Variants in ANO3 observed in about 807,000 individuals in gnomAD.
The protein encoded by ANO3 is anoctamin-3.
A neutral mutation model predicts 144.8 loss-of-function variants in ANO3; 99 were observed. The observed-to-expected ratio is 0.68, with a 90% CI of 0.58 to 0.81. The LOEUF (loss-of-function observed/expected upper bound fraction) is 0.81, where lower values mean the gene tolerates loss of function less well. Ranked by LOEUF, ANO3 falls within the 30% of genes least tolerant of loss-of-function variation. ANO3 has a pLI of 0.00. For missense variants in ANO3, 905 were observed against 1,202.2 expected (o/e 0.75, Z 3.66); for synonymous variants, 414 against 392.6 (o/e 1.05, Z -0.64).
At chr11:26,292,021 T>C (rs1853970274) in intron 1 of ANO3, among the ~76,000 whole-genome samples, 1 of 152,230 alleles carries the variant, frequency 6.6e-6, no homozygotes. Context: ...CTTGGTTCCA[T>C]TCTTCCTGTC....
At chr11:26,240,350 T>C (rs1160775373) in intron 1 of ANO3, among the ~76,000 whole-genome samples, 2 of 152,318 alleles carry the variant, frequency 1.3e-5, no homozygotes, top group Non-Finnish European at 2.9e-5. Context: ...ACTAATTGCA[T>C]CTTTAATTAT....
intron 26 of ANO3, among the ~76,000 whole-genome samples, chr11:26,659,851 G>T (rs1853823422): frequency 6.6e-6 from 1 of 152,042 alleles, no homozygotes; most frequent in African/African-American, 2.4e-5. Flanking sequence ...AGCATAACAG[G>T]CAGACTGCAT....
chr11:26,323,209 T>C (rs1393065964), intron 1 of ANO3, among the ~76,000 whole-genome samples: 1 of 152,130 alleles, frequency 6.6e-6, no homozygotes, highest in Non-Finnish European at 1.5e-5. Flanking sequence ...CAAAGAACCC[T>C]GGGTCCTTTT....
At chr11:26,211,434 T>G (rs926575541) in intron 1 of ANO3, among the ~76,000 whole-genome samples, 1 of 151,992 alleles carries the variant, frequency 6.6e-6, no homozygotes, top group African/African-American at 2.4e-5. Context: ...ATCCTAACAT[T>G]TATGTGGCCA....
intron 1 of ANO3, among the ~76,000 whole-genome samples, chr11:26,227,708 C>T (rs1293624329): frequency 6.6e-6 from 1 of 152,142 alleles, no homozygotes; most frequent in Non-Finnish European, 1.5e-5. Context: ...TTCTGGCAGA[C>T]ATTTCTCTTC....
In ANO3 at chr11:26,577,564, C is replaced by CA. The variant is rs56856563; in HGVS notation, c.1447+17801dup. On this transcript the variant is annotated intron_variant, in intron 14 of 26. Coordinates refer to ENST00000256737, the MANE Select transcript of ANO3 (RefSeq NM_031418.4). ...GGGCAACAAGAGAGAGACTCCGTCT[C>CA]AAAAAAAAAAAAAAAAGAGAGAGAG... 8.3e-4 allele frequency among the ~76,000 whole-genome samples: 108 copies of CA among 129,774 alleles called. 1 individual carries two copies. The highest frequency in any genetic ancestry group is 2.1e-3 in the African/African-American group (73 of 33,964). 85.1% of individuals were successfully genotyped at this position (129,774 alleles called of 152,430 possible). A position where few individuals can be genotyped will look rare whatever the true frequency, so the allele number is the denominator to read the frequency against.
chr11:26,284,774 C>T (rs944505606), intron 1 of ANO3, among the ~76,000 whole-genome samples: 8 of 152,058 alleles, frequency 5.3e-5, no homozygotes, highest in African/African-American at 1.9e-4. Context: ...GGCGTGCTGG[C>T]GGGCGCCTGT....
At chr11:26,425,678 A>T (rs547722871) in intron 1 of ANO3, among the ~76,000 whole-genome samples, 1 of 152,244 alleles carries the variant, frequency 6.6e-6, no homozygotes, top group African/African-American at 2.4e-5. Context: ...TATCTTTTTC[A>T]CCTTTCAACT....
chr11:26,594,891 G>T (rs1851562985), intron 14 of ANO3, among the ~76,000 whole-genome samples: 1 of 152,088 alleles, frequency 6.6e-6, no homozygotes. Flanking sequence ...CTTCCCTCAG[G>T]GGGCCAGGTT....
At chr11:26,302,306 C>T (rs975880665) in intron 1 of ANO3, among the ~76,000 whole-genome samples, 7 of 152,080 alleles carry the variant, frequency 4.6e-5, no homozygotes, top group Admixed American at 3.9e-4. Context: ...AATATTCTGG[C>T]CAACACGGTG....
intron 6 of ANO3, among the ~76,000 whole-genome samples, chr11:26,523,472 T>A (rs398191): frequency 6.6e-6 from 1 of 152,078 alleles, no homozygotes; most frequent in East Asian, 1.9e-4. Context: ...GCTACCTCCC[T>A]TCATGTTTAC....
At chr11:26,351,089 CAATT>C (rs1293052375) in intron 1 of ANO3, among the ~76,000 whole-genome samples, 3 of 152,114 alleles carry the variant, frequency 2.0e-5, no homozygotes, top group African/African-American at 2.4e-5. Context: ...TCAACCATCA[CAATT>C]AATTGTATAA....
In ANO3 at chr11:26,435,832, A is replaced by G. The variant is rs114383543; in HGVS notation, c.47-6086A>G. Reference sequence around the variant, plus strand: ...TTAGTTTCCTGGATTGGGTTTTGCCATTCTCCTAAATCTTGATGATCTTTG... The same window carrying G: ...TTAGTTTCCTGGATTGGGTTTTGCCGTTCTCCTAAATCTTGATGATCTTTG... On this transcript the variant is annotated intron_variant, in intron 1 of 26. Transcript: ENST00000256737. Among the ~76,000 whole-genome samples, 634 of 152,118 alleles carry G rather than the reference A, an allele frequency of 4.2e-3. 4 individuals are homozygous for G. Among genetic ancestry groups the G allele is most frequent in the African/African-American group, 0.015 (615 of 41,506 alleles).
At chr11:26,634,361 G>T (rs1852883816) in intron 19 of ANO3, 46 bp downstream of exon 19, 1 of 1,251,698 alleles carries the variant, frequency 8.0e-7, no homozygotes, top group African/African-American at 1.5e-5. Flanking sequence ...GAAAAACACA[G>T]TCAATAGTTT....
At chr11:26,222,831 T>A (rs960156376) in intron 1 of ANO3, among the ~76,000 whole-genome samples, 2 of 152,144 alleles carry the variant, frequency 1.3e-5, no homozygotes, top group Non-Finnish European at 2.9e-5. Flanking sequence ...CAGGGTGGTG[T>A]AGGGCAGTGG....
intron 1 of ANO3, among the ~76,000 whole-genome samples, chr11:26,202,266 T>G (rs1012632053): frequency 4.8e-5 from 7 of 145,978 alleles, no homozygotes; most frequent in Non-Finnish European, 7.5e-5. Context: ...TATATTAATA[T>G]CTATATAATA....
intron 4 of ANO3, among the ~76,000 whole-genome samples, chr11:26,479,220 T>G (rs1048420037): frequency 1.3e-5 from 2 of 152,180 alleles, no homozygotes; most frequent in Non-Finnish European, 2.9e-5. Context: ...AAAATTTTTT[T>G]GTTAGGAGAG....
At chr11:26,322,560 T>A (rs1159172912) in intron 1 of ANO3, among the ~76,000 whole-genome samples, 1 of 152,126 alleles carries the variant, frequency 6.6e-6, no homozygotes, top group Non-Finnish European at 1.5e-5. Context: ...GGATTATTGG[T>A]CAGGTATATT....
chr11:26,649,598 G>A (rs1458875174), intron 24 of ANO3, among the ~76,000 whole-genome samples: 6 of 152,084 alleles, frequency 3.9e-5, no homozygotes, highest in African/African-American at 1.4e-4. Context: ...TTAGCTGGGC[G>A]TGGTGGCGGG....
Sources: allele counts gnomAD v4.1 joint callset (sites outside exome capture counted in the v4.1 genomes callset), GRCh38; gene constraint gnomAD v4.1.1; transcripts MANE v1.5; gene names NCBI Gene and HGNC (gene_info 2026-07-23, HGNC 2026-07-21).